The following ZHX2 variants were observed in gnomAD, a reference collection of about 807,000 sequenced individuals.
The protein encoded by ZHX2 is zinc fingers and homeoboxes 2.
A neutral mutation model predicts 21.9 loss-of-function variants in ZHX2; 6 were observed. That is an observed-to-expected ratio of 0.27 (90% confidence interval 0.15 to 0.54). The LOEUF is 0.54. ZHX2 is among the 20% of genes least tolerant of loss of function. The pLI, the probability that ZHX2 is intolerant of heterozygous loss-of-function variation, is 0.95. For missense variants in ZHX2, 908 were observed against 1,090.7 expected (o/e 0.83, Z 2.36); for synonymous variants, 434 against 437.1 (o/e 0.99, Z 0.09).
At chr8:122,796,550 C>A (rs1015789206) in intron 1 of ZHX2, among the ~76,000 whole-genome samples, 3 of 152,112 alleles carry the variant, frequency 2.0e-5, no homozygotes, top group Non-Finnish European at 4.4e-5. Flanking sequence ...AATAGCAGAC[C>A]ATTCTGTAAC....
chr8:122,959,859 A>G (rs529648266), intron 3 of ZHX2, among the ~76,000 whole-genome samples: 2 of 152,256 alleles, frequency 1.3e-5, no homozygotes, highest in Admixed American at 6.5e-5. Flanking sequence ...GGAGCTTCTC[A>G]CCCTAGGAAT....
intron 2 of ZHX2, among the ~76,000 whole-genome samples, chr8:122,930,577 G>A (rs1368024097): frequency 6.8e-6 from 1 of 146,236 alleles, no homozygotes; most frequent in African/African-American, 2.5e-5. Context: ...TTTTTGAGAC[G>A]GAGTCTTGCT....
chr8:122,935,166 T>TTA (rs1812649894), intron 2 of ZHX2, among the ~76,000 whole-genome samples: 1 of 152,030 alleles, frequency 6.6e-6, no homozygotes, highest in South Asian at 2.1e-4. Flanking sequence ...TCTTTTTTTT[T>TTA]TATCTATTTG....
intron 2 of ZHX2, among the ~76,000 whole-genome samples, chr8:122,930,650 T>G (rs915551705): frequency 2.4e-4 from 37 of 151,808 alleles, no homozygotes; most frequent in East Asian, 3.9e-4. Flanking sequence ...TTTTGTTTTT[T>G]TTTTTTTTTT....
At chr8:122,787,802 G>A (rs1284372757) in intron 1 of ZHX2, among the ~76,000 whole-genome samples, 1 of 152,202 alleles carries the variant, frequency 6.6e-6, no homozygotes, top group African/African-American at 2.4e-5. Context: ...CTGGTTGGAT[G>A]CCTGCAACTG....
chr8:122,853,689 A>G (rs1818958519), intron 1 of ZHX2, among the ~76,000 whole-genome samples: 1 of 151,566 alleles, frequency 6.6e-6, no homozygotes, highest in South Asian at 2.1e-4. Flanking sequence ...CTGGCTGGCA[A>G]TTTCCACCCA....
intron 1 of ZHX2, among the ~76,000 whole-genome samples, chr8:122,847,509 A>G (rs949805216): frequency 6.6e-6 from 1 of 152,212 alleles, no homozygotes; most frequent in African/African-American, 2.4e-5. Flanking sequence ...GGTCTTGGCA[A>G]CAGAGGCCTT....
intron 1 of ZHX2, among the ~76,000 whole-genome samples, chr8:122,859,515 G>A (rs1245449456): frequency 2.0e-5 from 3 of 152,146 alleles, no homozygotes; most frequent in Non-Finnish European, 2.9e-5. Flanking sequence ...AGGGACTAGC[G>A]TGGCTATGTG....
At chr8:122,783,489 C>CCACA (rs149493878) in intron 1 of ZHX2, among the ~76,000 whole-genome samples, 21 of 151,512 alleles carry the variant, frequency 1.4e-4, no homozygotes, top group Non-Finnish European at 7.4e-5. Flanking sequence ...CCTCTTAAAA[C>CCACA]CACACACACA....
chr8:122,927,405 G>A (rs913581629), intron 2 of ZHX2, among the ~76,000 whole-genome samples: 1 of 152,180 alleles, frequency 6.6e-6, no homozygotes, highest in African/African-American at 2.4e-5. Context: ...CGAGGCAGGA[G>A]AATCACTTGA....
intron 2 of ZHX2, among the ~76,000 whole-genome samples, chr8:122,886,589 C>T (rs1214916588): frequency 6.6e-6 from 1 of 152,110 alleles, no homozygotes; most frequent in Non-Finnish European, 1.5e-5. Context: ...TATACGGAAC[C>T]CCTCTGTACT....
rs1156379404 is a variant in ZHX2 at position 122,952,540 on chromosome 8, A to G, written c.1030A>G (p.Thr344Ala). The change falls in exon 3 of 4, where the codon ACC (threonine) becomes GCC (alanine). Residue 344 changes from threonine to alanine, a missense_variant. Thr to Ala is a moderately conservative substitution (Grantham distance 58, BLOSUM62 0). This residue lies in a region of ZHX2 where 232 missense variants were observed against 361.8 expected (regional missense o/e 0.64). Coordinates refer to ENST00000314393, the MANE Select transcript of ZHX2 (RefSeq NM_014943.5). This position sits in a 1 kb window ranked among gnomAD's most constrained non-coding sequence, Gnocchi z 6.9. ...FNGTIQSVPP[T>A]ITVLPAQLAP... ...CGGCACCATCCAGTCAGTACCCCCG[A>G]CCATCACTGTGCTGCCCGCCCAGTT... 6.2e-7 allele frequency: 1 copy of G among 1,614,084 alleles called. No individual in the cohort carries two copies. The highest frequency in any genetic ancestry group is 1.7e-5 in the Admixed American group (1 of 60,030).
At chr8:122,933,623 T>A (rs1423654563) in intron 2 of ZHX2, among the ~76,000 whole-genome samples, 1 of 152,142 alleles carries the variant, frequency 6.6e-6, no homozygotes, top group African/African-American at 2.4e-5. Context: ...AGAAAGCCGC[T>A]ATGCTTCAAA....
At chr8:122,855,181 A>T (rs1011716321) in intron 1 of ZHX2, among the ~76,000 whole-genome samples, 2 of 152,336 alleles carry the variant, frequency 1.3e-5, no homozygotes, top group Non-Finnish European at 2.9e-5. Flanking sequence ...AGGGATAATC[A>T]TAGTGCTTGG....
intron 1 of ZHX2, among the ~76,000 whole-genome samples, chr8:122,838,725 G>A (rs950655879): frequency 5.7e-4 from 86 of 151,890 alleles, no homozygotes; most frequent in African/African-American, 2.0e-3. Flanking sequence ...CTACAAGCAC[G>A]TGCCACTACA....
intron 1 of ZHX2, among the ~76,000 whole-genome samples, chr8:122,856,294 C>A (rs1819020621): frequency 6.6e-6 from 1 of 152,122 alleles, no homozygotes; most frequent in Non-Finnish European, 1.5e-5. Context: ...AGTTTCCATA[C>A]CAAGGAGGGA....
intron 1 of ZHX2, among the ~76,000 whole-genome samples, chr8:122,846,452 G>A (rs1358457300): frequency 6.6e-6 from 1 of 152,032 alleles, no homozygotes; most frequent in Non-Finnish European, 1.5e-5. Context: ...CAGGGAACCA[G>A]GGAGCAAGTA....
intron 3 of ZHX2, among the ~76,000 whole-genome samples, chr8:122,971,288 C>CT (rs11409501): frequency 0.18 from 24,074 of 136,736 alleles, 2,423 homozygotes; most frequent in African/African-American, 0.28. Flanking sequence ...CCTGAGCTTC[C>CT]TTTTTTTTTT....
intron 1 of ZHX2, among the ~76,000 whole-genome samples, chr8:122,858,981 G>A (rs375760599): frequency 4.6e-5 from 7 of 152,136 alleles, no homozygotes; most frequent in Non-Finnish European, 7.3e-5. Context: ...TGCCTTCCAC[G>A]TGCAGGAACA....
Sources: gnomAD v4.1 joint callset for allele counts (sites outside exome capture counted in the v4.1 genomes callset) on GRCh38, gnomAD v4.1.1 for gene constraint, gnomAD v4.1.1 regional missense constraint, Gnocchi (gnomAD v3.1) non-coding constraint, MANE v1.5 for transcripts, NCBI Gene and HGNC (gene_info 2026-07-23, HGNC 2026-07-21) for gene names.